CDADC1: variants seen among roughly 807,000 people sequenced by gnomAD.
CDADC1 encodes dCTP deaminase.
In CDADC1, 39 loss-of-function variants were observed where a neutral mutation model predicts 54.9. That is an observed-to-expected ratio of 0.71 (90% confidence interval 0.55 to 0.93). The LOEUF is 0.93. Among genes scored for constraint, CDADC1 ranks in the 40% least tolerant of loss-of-function variants. The pLI is 0.00. For synonymous variants in CDADC1, 186 were observed against 204.0 expected (o/e 0.91, Z 0.75); for missense variants, 518 against 618.8 (o/e 0.84, Z 1.73).
At chr13:49,286,174 T>C (rs1953508144) in intron 8 of CDADC1, 48 bp from the exon 9 acceptor site, 2 of 1,379,852 alleles carry the variant, frequency 1.4e-6, no homozygotes, top group Non-Finnish European at 2.1e-6. Flanking sequence ...TGGAATGCTA[T>C]GTATTAAATC....
chr13:49,255,721 C>T, intron 2 of CDADC1, 118 bp from the exon 3 acceptor site: 1 of 1,239,210 alleles, frequency 8.1e-7, no homozygotes, highest in Non-Finnish European at 1.1e-6. Flanking sequence ...TGTAGAGTTT[C>T]ATCATGGAAA....
chr13:49,267,512 C>G lies in CDADC1; in HGVS notation c.453C>G (p.Tyr151Ter). 6.2e-7 allele frequency: 1 copy of G among 1,611,850 alleles called. No individual in the cohort carries two copies. Among genetic ancestry groups the G allele is most frequent in the Non-Finnish European group, 8.5e-7 (1 of 1,178,816 alleles). Residue 151 changes from tyrosine (Y) to a stop codon, truncating the protein, a stop_gained, in exon 5 of 10, where the codon TAC (tyrosine) becomes TAG (stop). Coordinates refer to ENST00000251108, the MANE Select transcript of CDADC1 (RefSeq NM_030911.4). LOFTEE classifies it high-confidence loss of function. ...CAGCTGGAGTTAACCGAATTTCATA[C>G]TGGCCTGCTGATCCAGAAATAAGTT... is the stretch of plus-strand genomic sequence containing the variant. ...IVNAGVNRISYWPADPEISLL... is the reference protein window; with the variant it reads ...IVNAGVNRIS
chr13:49,255,865 C>T lies in CDADC1; in HGVS notation c.204C>T (p.Pro68=). The change falls in exon 3 of 10, where the codon CCC becomes CCT. Residue 68 remains proline, a synonymous_variant. Transcript: ENST00000251108. ...AAAATGAAGAGGGAAAGCATGGACC[C>T]TTAGGAGATAATGAAGAGAGGACCA... The part of the protein sequence containing the change: ...SQKNEEGKHG[P]LGDNEERTRV... 4.3e-6 allele frequency: 7 copies of T among 1,610,616 alleles called. No homozygotes were observed. Among genetic ancestry groups the T allele is most frequent in the Non-Finnish European group, 5.9e-6 (7 of 1,178,876 alleles).
chr13:49,268,081 T>G, intron 5 of CDADC1, 22 bp downstream of exon 5: 1 of 1,545,538 alleles, frequency 6.5e-7, no homozygotes, highest in South Asian at 1.1e-5. Flanking sequence ...AGATCGTAAA[T>G]TGGGGCTGAT....
intron 4 of CDADC1, among the ~76,000 whole-genome samples, chr13:49,260,343 A>G (rs1406997617): frequency 6.6e-6 from 1 of 152,156 alleles, no homozygotes. Context: ...AGCTTTCTCC[A>G]TTTGGTTGAT....
intron 4 of CDADC1, among the ~76,000 whole-genome samples, chr13:49,266,755 C>A (rs73186813): frequency 0.13 from 19,300 of 152,002 alleles, 1,659 homozygotes; most frequent in Non-Finnish European, 0.18. Flanking sequence ...ACTAAATGTG[C>A]ATGCATGAGA....
At chr13:49,280,822 T>TTATTATTATTA in intron 8 of CDADC1, 124 bp downstream of exon 8, 1 of 221,390 alleles carries the variant, frequency 4.5e-6, no homozygotes, top group Non-Finnish European at 8.4e-6. Flanking sequence ...ATTATTATTA[T>TTATTATTATTA]TATTATTATT....
chr13:49,257,706 G>A (rs1952579448), intron 3 of CDADC1, among the ~76,000 whole-genome samples: 1 of 152,230 alleles, frequency 6.6e-6, no homozygotes, highest in Non-Finnish European at 1.5e-5. Flanking sequence ...AGCTTGCAGT[G>A]AGCCGAGATA....
chr13:49,286,858 A>G (rs1222527977), intron 9 of CDADC1, among the ~76,000 whole-genome samples: 1 of 152,250 alleles, frequency 6.6e-6, no homozygotes, highest in Non-Finnish European at 1.5e-5. Context: ...CTTTAGGCAC[A>G]TAATTTTAGA....
chr13:49,286,334 C>T, intron 9 of CDADC1, 52 bp downstream of exon 9: 2 of 1,288,874 alleles, frequency 1.6e-6, no homozygotes, highest in Non-Finnish European at 2.2e-6. Context: ...AAAGGATATA[C>T]AGTGAATTTT....
chr13:49,254,661 A>T (rs572264966), intron 2 of CDADC1, among the ~76,000 whole-genome samples: 1 of 152,236 alleles, frequency 6.6e-6, no homozygotes, highest in Admixed American at 6.5e-5. Flanking sequence ...TTAGCCTCCC[A>T]AAGTGCTGGG....
At chr13:49,279,558 A>T (rs766455774) in intron 7 of CDADC1, among the ~76,000 whole-genome samples, 3 of 152,168 alleles carry the variant, frequency 2.0e-5, no homozygotes, top group Non-Finnish European at 2.9e-5. Flanking sequence ...ACTCGAGAGG[A>T]CTTTGAGTTT....
chr13:49,286,169 T>G, intron 8 of CDADC1, 53 bp from the exon 9 acceptor site: 1 of 1,330,556 alleles, frequency 7.5e-7, no homozygotes, highest in Non-Finnish European at 1.1e-6. Context: ...TGTGCTGGAA[T>G]GCTATGTATT....
intron 2 of CDADC1, among the ~76,000 whole-genome samples, chr13:49,250,083 T>C (rs762369929): frequency 6.6e-6 from 1 of 152,242 alleles, no homozygotes; most frequent in Non-Finnish European, 1.5e-5. Context: ...ACATTACTGT[T>C]AATATTTTGG....
intron 6 of CDADC1, among the ~76,000 whole-genome samples, chr13:49,274,898 T>C (rs994549142): frequency 1.3e-5 from 2 of 152,126 alleles, no homozygotes; most frequent in Non-Finnish European, 2.9e-5. Flanking sequence ...ATAACTGATA[T>C]GTAAGTGTAA....
intron 1 of CDADC1, 94 bp downstream of exon 1, chr13:49,248,213 T>C (rs1952341098): frequency 4.4e-6 from 5 of 1,132,850 alleles, no homozygotes; most frequent in Non-Finnish European, 6.3e-6. Flanking sequence ...TCTGAGCCTC[T>C]TTGCCTCCCC....
At position 49,292,938 on chromosome 13, in the gene CDADC1, A is replaced by G. The variant is rs1390650807; in HGVS notation, c.*1181A>G. On this transcript the variant is annotated 3_prime_UTR_variant, in exon 10 of 10. Transcript: ENST00000251108. ...GAATTACACGCACGACCATCCAAAC[A>G]TTGGCTCCATGCCAGGGCTGTGACT... is the stretch of plus-strand genomic sequence containing the variant. 4.6e-6 allele frequency: 2 copies of G among 439,120 alleles called. No individual in the cohort carries two copies. The highest frequency in any genetic ancestry group is 4.2e-5 in the South Asian group (2 of 47,402). 27.2% of individuals were successfully genotyped at this position (439,120 alleles called of 1,614,324 possible).
At chr13:49,268,682 G>C (rs1247191866) in intron 5 of CDADC1, among the ~76,000 whole-genome samples, 1 of 152,046 alleles carries the variant, frequency 6.6e-6, no homozygotes, top group Non-Finnish European at 1.5e-5. Context: ...AGAAAAAGGA[G>C]AAAACCAAAA....
chr13:49,248,276 C>T, intron 1 of CDADC1, 157 bp downstream of exon 1: 1 of 633,166 alleles, frequency 1.6e-6, no homozygotes, highest in East Asian at 2.8e-5. Context: ...TCCGCGGTCG[C>T]CAGGACCAAT....
Sources: gnomAD v4.1 joint callset for allele counts (sites outside exome capture counted in the v4.1 genomes callset) on GRCh38, gnomAD v4.1.1 for gene constraint, MANE v1.5 for transcripts, NCBI Gene and HGNC (gene_info 2026-07-23, HGNC 2026-07-21) for gene names.